LUZP2: variants seen among roughly 807,000 people sequenced by gnomAD.
LUZP2 encodes leucine zipper protein 2.
Under a neutral mutation model 51.6 loss-of-function variants are expected in LUZP2, and 52 were observed. The observed-to-expected ratio is 1.01, with a 90% CI of 0.81 to 1.27. The LOEUF (loss-of-function observed/expected upper bound fraction) is 1.27. Among genes scored for constraint, LUZP2 ranks in the 50% most tolerant of loss-of-function variants. The probability of loss-of-function intolerance (pLI) is 0.00; values close to 1 mark genes in which losing one functional copy is unlikely to be tolerated. For missense variants in LUZP2, 436 were observed against 395.4 expected (o/e 1.10, Z -0.87); for synonymous variants, 154 against 137.3 (o/e 1.12, Z -0.85).
chr11:24,498,341 A>T (rs929092498), intron 1 of LUZP2, among the ~76,000 whole-genome samples: 1 of 152,220 alleles, frequency 6.6e-6, no homozygotes, highest in Non-Finnish European at 1.5e-5. Context: ...CTAATTCTGA[A>T]ATGGAAAAGG....
intron 1 of LUZP2, among the ~76,000 whole-genome samples, chr11:24,547,079 T>A (rs539714734): frequency 6.6e-6 from 1 of 152,054 alleles, no homozygotes; most frequent in Non-Finnish European, 1.5e-5. Context: ...TCTTTCTTGT[T>A]CAGTCTTCAG....
chr11:24,680,004 G>T (rs1392537348), intron 1 of LUZP2, among the ~76,000 whole-genome samples: 4 of 152,040 alleles, frequency 2.6e-5, no homozygotes, highest in Non-Finnish European at 5.9e-5. Flanking sequence ...AGGAGAAAAG[G>T]GAAATTAACA....
intron 1 of LUZP2, among the ~76,000 whole-genome samples, chr11:24,662,954 G>T (rs1009465205): frequency 2.6e-5 from 4 of 151,864 alleles, no homozygotes; most frequent in East Asian, 1.9e-4. Context: ...TCATTAAAAT[G>T]ATTCAGTTGT....
At chr11:24,695,926 AT>A (rs1273983375) in intron 1 of LUZP2, among the ~76,000 whole-genome samples, 2 of 152,078 alleles carry the variant, frequency 1.3e-5, no homozygotes, top group Middle Eastern at 3.2e-3. Context: ...GAATGGGAAA[AT>A]AAGGCATTTA....
chr11:24,498,641 C>T (rs1849901277), intron 1 of LUZP2, among the ~76,000 whole-genome samples: 1 of 152,158 alleles, frequency 6.6e-6, no homozygotes, highest in South Asian at 2.1e-4. Flanking sequence ...GTTTGCTTCC[C>T]AGTATTATAA....
chr11:24,721,776 T>C (rs1361159969), intron 1 of LUZP2, among the ~76,000 whole-genome samples: 1 of 152,136 alleles, frequency 6.6e-6, no homozygotes, highest in Non-Finnish European at 1.5e-5. Flanking sequence ...CTTGTTGAAA[T>C]TGACAAACCA....
chr11:24,978,394 T>G (rs1855938180), intron 8 of LUZP2, among the ~76,000 whole-genome samples: 1 of 151,794 alleles, frequency 6.6e-6, no homozygotes, highest in Non-Finnish European at 1.5e-5. Flanking sequence ...TCTCTGACAT[T>G]CCTGTACAGT....
chr11:24,515,001 T>C (rs1247164576), intron 1 of LUZP2, among the ~76,000 whole-genome samples: 1 of 152,146 alleles, frequency 6.6e-6, no homozygotes, highest in African/African-American at 2.4e-5. Flanking sequence ...TGAACAATCG[T>C]TGTCATTGAA....
chr11:24,856,142 G>GA (rs1286982910), intron 5 of LUZP2, among the ~76,000 whole-genome samples: 6 of 151,744 alleles, frequency 4.0e-5, no homozygotes, highest in African/African-American at 1.2e-4. Flanking sequence ...CACAGCAAAA[G>GA]AAAAAATAAA....
chr11:24,584,602 A>G (rs1396003311), intron 1 of LUZP2, among the ~76,000 whole-genome samples: 1 of 152,082 alleles, frequency 6.6e-6, no homozygotes, highest in African/African-American at 2.4e-5. Context: ...ATCTCCTAAG[A>G]TAAGTTACTA....
chr11:24,813,701 G>T (rs1317473317), intron 5 of LUZP2, among the ~76,000 whole-genome samples: 1 of 152,212 alleles, frequency 6.6e-6, no homozygotes, highest in East Asian at 1.9e-4. Context: ...GGAGATTTGG[G>T]TGAGGACAAA....
intron 3 of LUZP2, among the ~76,000 whole-genome samples, chr11:24,735,322 T>C (rs1243382841): frequency 6.6e-6 from 1 of 151,722 alleles, no homozygotes; most frequent in Admixed American, 6.6e-5. Flanking sequence ...AATGGAGAGA[T>C]TTTAAACCAT....
intron 9 of LUZP2, among the ~76,000 whole-genome samples, chr11:25,027,444 C>T (rs1857524367): frequency 6.6e-6 from 1 of 152,106 alleles, no homozygotes; most frequent in Non-Finnish European, 1.5e-5. Context: ...TAAACTTCTT[C>T]ATTGTTCTTT....
intron 7 of LUZP2, among the ~76,000 whole-genome samples, chr11:24,944,493 C>T (rs1854847639): frequency 6.6e-6 from 1 of 152,066 alleles, no homozygotes; most frequent in Non-Finnish European, 1.5e-5. Flanking sequence ...GAAAGAGAGA[C>T]TGGAAATATG....
rs67542459 is a variant in LUZP2 at position 25,046,226 on chromosome 11, C to CAAAA, written c.766-3804_766-3801dup. On this transcript the variant is annotated intron_variant, in intron 9 of 11. Coordinates refer to ENST00000336930, the MANE Select transcript of LUZP2 (RefSeq NM_001009909.4). Reference sequence around the variant, plus strand: ...ATACCATGAGAGAAAAGTAATCCTCCAAAAAAAAAAATGAGTCAATGATTA... The same window carrying CAAAA: ...ATACCATGAGAGAAAAGTAATCCTCCAAAAAAAAAAAAAAATGAGTCAATGATTA... Among the ~76,000 whole-genome samples the CAAAA allele has an allele frequency of 6.4e-3, 930 of 144,594 alleles. 16 individuals are homozygous for CAAAA. The highest frequency in any genetic ancestry group is 0.014 in the African/African-American group (562 of 39,364). The allele number at this position is 144,594 out of a possible 152,430, so 94.9% of individuals were successfully genotyped here.
intron 5 of LUZP2, among the ~76,000 whole-genome samples, chr11:24,835,998 A>T (rs758997000): frequency 2.4e-4 from 36 of 152,126 alleles, no homozygotes; most frequent in Non-Finnish European, 4.9e-4. Flanking sequence ...TGATTTCCTG[A>T]TGTAAATGCA....
intron 4 of LUZP2, 36 bp downstream of exon 4, chr11:24,738,338 G>T: frequency 6.8e-7 from 1 of 1,466,392 alleles, no homozygotes; most frequent in African/African-American, 1.4e-5. Flanking sequence ...TTTGCTTTTG[G>T]GCTGGGACAT....
chr11:24,682,606 A>G lies in LUZP2; in HGVS notation c.63-46563A>G, dbSNP rs144380164. ...TATATATGTGTGTGTGTGTATATATATGTGTATGTGTATATATATATATAC... is the reference window on the plus strand; with the variant it reads ...TATATATGTGTGTGTGTGTATATATGTGTGTATGTGTATATATATATATAC... On this transcript the variant is annotated intron_variant, in intron 1 of 11. Transcript: ENST00000336930. Among the ~76,000 whole-genome samples, 7 of 143,930 alleles carry G rather than the reference A, an allele frequency of 4.9e-5. No individual in the cohort carries two copies. The East Asian group carries it at 1.5e-3, about 30-fold the overall frequency. 94.4% of individuals were successfully genotyped at this position (143,930 alleles called of 152,430 possible).
At chr11:24,546,243 T>G (rs1851538876) in intron 1 of LUZP2, among the ~76,000 whole-genome samples, 2 of 152,234 alleles carry the variant, frequency 1.3e-5, no homozygotes, top group Non-Finnish European at 2.9e-5. Context: ...ATAGTTTGAC[T>G]TCTTCTCTTC....
Sources: allele counts gnomAD v4.1 joint callset (sites outside exome capture counted in the v4.1 genomes callset), GRCh38; gene constraint gnomAD v4.1.1; transcripts MANE v1.5; gene names NCBI Gene and HGNC (gene_info 2026-07-23, HGNC 2026-07-21).